EVPL: variants seen among roughly 807,000 people sequenced by gnomAD.
EVPL encodes the protein 210 kDa cornified envelope precursor protein.
EVPL carries 94 observed loss-of-function variants against 129.7 expected under a neutral mutation model. The ratio of observed to expected loss-of-function variants is 0.72; its 90% CI spans 0.61 to 0.86. EVPL has a LOEUF of 0.86. Among genes scored for constraint, EVPL ranks in the 40% least tolerant of loss-of-function variants. The probability of loss-of-function intolerance (pLI) is 0.00; values close to 1 mark genes in which losing one functional copy is unlikely to be tolerated. For missense variants in EVPL, 2,625 were observed against 2,721.1 expected (o/e 0.96, Z 0.79); for synonymous variants, 1,172 against 1,191.1 (o/e 0.98, Z 0.33).
In EVPL at chr17:76,019,580, G is replaced by A. The variant is rs764559928; in HGVS notation, c.1085C>T (p.Pro362Leu). The A allele has an allele frequency of 1.2e-6, 2 of 1,602,334 alleles. No individual in the cohort carries two copies. Among genetic ancestry groups the A allele is most frequent in the Non-Finnish European group, 1.7e-6 (2 of 1,175,154 alleles). The part of the protein sequence containing the change: ...LNSNLDAKYS[P>L]APGGPPGAPT... Reference sequence around the variant, plus strand: ...GGCGCCAGGGGGGCCCCCAGGTGCAGGGCTGTACTTGGCATCCAAGTTGGA... The same window carrying A: ...GGCGCCAGGGGGGCCCCCAGGTGCAAGGCTGTACTTGGCATCCAAGTTGGA... The change falls in exon 10 of 22, where the codon CCT becomes CTT. Residue 362 changes from proline to leucine, a missense_variant. Transcript: ENST00000301607.
Position 76,021,669 on chromosome 17 carries a change from C to G in EVPL, c.915+5G>C. 6.2e-7 allele frequency: 1 copy of G among 1,605,786 alleles called. No individual in the cohort carries two copies. Among genetic ancestry groups the G allele is most frequent in the Non-Finnish European group, 8.5e-7 (1 of 1,177,818 alleles). On this transcript the variant is annotated splice_donor_5th_base_variant and intron_variant, in intron 8 of 21. Transcript: ENST00000301607. ...CCTTCTCACTCTCGCCCTGCCCCAGCGCACCTGGATGGGCCCCACCGCGGG... is the reference window on the plus strand; with the variant it reads ...CCTTCTCACTCTCGCCCTGCCCCAGGGCACCTGGATGGGCCCCACCGCGGG...
Position 76,021,763 on chromosome 17 carries a change from G to A in EVPL, c.826C>T (p.Leu276=), listed in dbSNP as rs1357545017. 5 of 1,607,780 alleles carry A rather than the reference G, an allele frequency of 3.1e-6. No homozygotes were observed. In the African/African-American group the frequency reaches 4.0e-5, roughly 13 times the overall value. The change falls in exon 8 of 22, where the codon CTG becomes TTG. Residue 276 remains leucine (L), a synonymous_variant. Coordinates refer to ENST00000301607, the MANE Select transcript of EVPL (RefSeq NM_001988.4). ...REYEHFKQHE[L]LSQEQSVNQL... is the part of the protein sequence containing the mutation. The stretch of plus-strand genomic sequence containing the variant: ...TTCACGCTCTGCTCCTGGCTCAGCA[G>A]CTCGTGCTGCTTGAAGTGCTGGGGG...
chr17:76,024,071 C>T lies in EVPL; in HGVS notation c.148G>A (p.Ala50Thr), dbSNP rs768937467. Residue 50 changes from alanine (A) to threonine (T), a missense_variant, in exon 2 of 22, where the codon GCC (alanine) becomes ACC (threonine). Ala to Thr is a moderately conservative substitution (Grantham distance 58, BLOSUM62 0). Around this residue, in one of 4 missense-constraint regions of EVPL, gnomAD observed 139 missense variants for 186.8 expected, o/e 0.74. Coordinates refer to ENST00000301607, the MANE Select transcript of EVPL (RefSeq NM_001988.4). This position sits in a 1 kb window ranked among gnomAD's most constrained non-coding sequence, Gnocchi z 4.5. ...AGGATGTCCCGCTCCACCTGGTCGG[C>T]GTTGGCTTGCATGCGGGAGATGAGA... ...ALLISRMQAN[A>T]DQVERDILET... The T allele has an allele frequency of 1.4e-5, 22 of 1,613,772 alleles. No homozygotes were observed. The highest frequency in any genetic ancestry group is 6.7e-5 in the African/African-American group (5 of 74,938).
At chr17:76,017,208 G>T (rs577675095) in intron 14 of EVPL, among the ~76,000 whole-genome samples, 1 of 152,302 alleles carries the variant, frequency 6.6e-6, no homozygotes, top group South Asian at 2.1e-4. Context: ...GAGAGACTTT[G>T]TCTCAAGAAA....
At position 76,008,318 on chromosome 17, in the gene EVPL, C is replaced by T. The variant is rs146092902; in HGVS notation, c.4887G>A (p.Gln1629=). 5 of 1,607,594 alleles carry T rather than the reference C, an allele frequency of 3.1e-6. No individual in the cohort carries two copies. The highest frequency in any genetic ancestry group is 4.2e-6 in the Non-Finnish European group (5 of 1,179,900). ...GCTCCTGGCCCCGCTGGGCCGCCTT[C>T]TGTCGCTCGCTCTCCGTCTTCTGGC... ...LLSQKTESER[Q]KAAQRGQELS... The change falls in exon 22 of 22, where the codon CAG becomes CAA. Residue 1629 remains glutamine, a synonymous_variant. Transcript: ENST00000301607. The surrounding 1 kb of genome is among the most constrained non-coding windows in gnomAD (Gnocchi z 7.4).
In EVPL at chr17:76,008,903, G is replaced by T. The variant is rs150950564; in HGVS notation, c.4302C>A (p.Ala1434=). Residue 1434 remains alanine, a synonymous_variant, in exon 22 of 22, where the codon GCC becomes GCA. Coordinates refer to ENST00000301607, the MANE Select transcript of EVPL (RefSeq NM_001988.4). The surrounding 1 kb of genome is among the most constrained non-coding windows in gnomAD (Gnocchi z 7.4). ...TCAGCTGCCGCAGCTCCCTCTCCACGGCCAGCTTCTTGCTGCGGTCCTCCT... is the reference window on the plus strand; with the variant it reads ...TCAGCTGCCGCAGCTCCCTCTCCACTGCCAGCTTCTTGCTGCGGTCCTCCT... ...SFQEDRSKKL[A]VERELRQLTL... 6.2e-7 allele frequency: 1 copy of T among 1,613,494 alleles called. No homozygotes were observed. Among genetic ancestry groups the T allele is most frequent in the Non-Finnish European group, 8.5e-7 (1 of 1,179,982 alleles).
chr17:76,015,044 G>A lies in EVPL; in HGVS notation c.2094C>T (p.Ala698=). The change falls in exon 17 of 22, where the codon GCC becomes GCT. Residue 698 remains alanine, a synonymous_variant. Transcript: ENST00000301607. ...CVLRLHRALK[A]SEHACAALQN... is the part of the protein sequence containing the mutation. The stretch of plus-strand genomic sequence containing the variant: ...GCAGGGCAGCGCATGCGTGCTCCGA[G>A]GCCTTCAGCGCGCGGTGTAGCCGCA... 1 of 1,590,906 alleles carries A rather than the reference G, an allele frequency of 6.3e-7. No individual in the cohort carries two copies. The highest frequency in any genetic ancestry group is 8.5e-7 in the Non-Finnish European group (1 of 1,173,474).
At chr17:76,021,605 ACG>A in intron 8 of EVPL, 42 bp from the exon 9 acceptor site, 1 of 966,102 alleles carries the variant, frequency 1.0e-6, no homozygotes, top group Non-Finnish European at 1.3e-6. Context: ...CGCCCCCCCC[ACG>A]TCCGCCCCAC....
At chr17:76,014,170 G>A (rs2066398970) in intron 18 of EVPL, among the ~76,000 whole-genome samples, 1 of 152,212 alleles carries the variant, frequency 6.6e-6, no homozygotes, top group South Asian at 2.1e-4. Flanking sequence ...TACATGGCAG[G>A]GGCTTGATGA....
rs1479297988 is a variant in EVPL, at chr17:76,011,816, T to C, written c.2524A>G (p.Lys842Glu). 1.2e-6 allele frequency: 2 copies of C among 1,612,884 alleles called. No individual in the cohort carries two copies. Among genetic ancestry groups the C allele is most frequent in the South Asian group, 1.1e-5 (1 of 91,026 alleles). The change falls in exon 20 of 22, where the codon AAG (lysine) becomes GAG (glutamate). Residue 842 changes from lysine (K) to glutamate (E), a missense_variant. Lys to Glu is a moderately conservative substitution (Grantham distance 56). Transcript: ENST00000301607. ...TGCAGGGGAGCCACTCGGGGTCTCT[T>C]GGGGGCTGACACTGCCAGGGTGGGC... ...LEPTLAVSAP[K>E]RPRVAPLQES... is the part of the protein sequence containing the mutation.
chr17:76,017,990 A>T, intron 13 of EVPL, 79 bp from the exon 14 acceptor site: 1 of 1,588,376 alleles, frequency 6.3e-7, no homozygotes, highest in South Asian at 1.1e-5. Context: ...GTGCCCACAG[A>T]GGGTCCTGTC....
In EVPL at chr17:76,022,081, G is replaced by T; in HGVS notation, c.646-53C>A. The T allele has an allele frequency of 1.3e-6, 2 of 1,564,670 alleles. No homozygotes were observed. The highest frequency in any genetic ancestry group is 2.3e-5 in the South Asian group (2 of 85,586). Reference sequence around the variant, plus strand: ...AGGGTGGGGAGACAGAAAGTGGGGGGCAAAAGGCGCCATTGGGCCGCGCTC... The same window carrying T: ...AGGGTGGGGAGACAGAAAGTGGGGGTCAAAAGGCGCCATTGGGCCGCGCTC... On this transcript the variant is annotated intron_variant, in intron 6 of 21. Transcript: ENST00000301607. This position sits in a 1 kb window ranked among gnomAD's most constrained non-coding sequence, Gnocchi z 5.6.
rs1386544696 is a variant in EVPL at position 76,010,007 on chromosome 17, C to T, written c.3198G>A (p.Arg1066=). The T allele has an allele frequency of 3.1e-6, 5 of 1,613,530 alleles. 1 individual carries two copies. The South Asian group carries it at 5.5e-5, about 18-fold the overall frequency. The change falls in exon 22 of 22, where the codon AGG becomes AGA. Residue 1066 remains arginine, a synonymous_variant. Coordinates refer to ENST00000301607, the MANE Select transcript of EVPL (RefSeq NM_001988.4). The part of the protein sequence containing the change: ...LKKELLALEK[R]EVDVKEKVVV... ...CGACCTTCTCCTTCACGTCCACCTC[C>T]CTCTTCTCAAGGGCCAGTAGCTCCT...
Position 76,008,991 on chromosome 17 carries a change from A to G in EVPL, c.4214T>C (p.Leu1405Pro). 6.2e-7 allele frequency: 1 copy of G among 1,611,866 alleles called. No homozygotes were observed. Among genetic ancestry groups the G allele is most frequent in the Non-Finnish European group, 8.5e-7 (1 of 1,179,860 alleles). ...CCGCAGCTGCTGCACCTCAAGCTCT[A>G]GCTGGCGCCGCCGGCCCACCTCCTC... ...LDEEVGRRRQ[L>P]ELEVQQLRAG... The change falls in exon 22 of 22, where the codon CTA (leucine) becomes CCA (proline). Residue 1405 changes from leucine (L) to proline (P), a missense_variant. Transcript: ENST00000301607. This position sits in a 1 kb window ranked among gnomAD's most constrained non-coding sequence, Gnocchi z 7.4.
In EVPL at chr17:76,008,174, C is replaced by T. The variant is rs750140523; in HGVS notation, c.5031G>A (p.Thr1677=). Residue 1677 remains threonine (T), a synonymous_variant, in exon 22 of 22, where the codon ACG becomes ACA. Coordinates refer to ENST00000301607, the MANE Select transcript of EVPL (RefSeq NM_001988.4). The surrounding 1 kb of genome is among the most constrained non-coding windows in gnomAD (Gnocchi z 7.4). ...SREELSQETQ[T]RETNLSTKIS... ...TCTTGGTGGAAAGGTTGGTCTCTCG[C>T]GTCTGGGTCTCCTGGCTGAGCTCCT... The T allele has an allele frequency of 3.1e-6, 5 of 1,614,174 alleles. No individual in the cohort carries two copies. The highest frequency in any genetic ancestry group is 2.2e-5 in the East Asian group (1 of 44,882).
At position 76,008,410 on chromosome 17, in the gene EVPL, G is replaced by A; in HGVS notation, c.4795C>T (p.Leu1599=). The A allele has an allele frequency of 1.3e-6, 2 of 1,593,330 alleles. No individual in the cohort carries two copies. Among genetic ancestry groups the A allele is most frequent in the Non-Finnish European group, 1.7e-6 (2 of 1,175,698 alleles). ...TGCTTCTGCCTCTCCAGAGCCCGCAGCTCCTGCTGCAGCCGCCCACACTCC... is the reference window on the plus strand; with the variant it reads ...TGCTTCTGCCTCTCCAGAGCCCGCAACTCCTGCTGCAGCCGCCCACACTCC... ...DQECGRLQQE[L]RALERQKQQQ... The change falls in exon 22 of 22, where the codon CTG becomes TTG. Residue 1599 remains leucine, a synonymous_variant. Coordinates refer to ENST00000301607, the MANE Select transcript of EVPL (RefSeq NM_001988.4). This position sits in a 1 kb window ranked among gnomAD's most constrained non-coding sequence, Gnocchi z 7.4.
chr17:76,021,356 A>G, intron 9 of EVPL, 112 bp downstream of exon 9: 1 of 1,027,256 alleles, frequency 9.7e-7, no homozygotes, highest in South Asian at 1.5e-5. Flanking sequence ...GCGCCCTGCC[A>G]GCTCTGTCTA....
Position 76,017,801 on chromosome 17 carries a change from G to A in EVPL, c.1648C>T (p.Arg550Trp), listed in dbSNP as rs376357937. ...GGTGTGGGGCGGCTCAGCGGGGCCCGCGCCCAGGCCAGCACCTGCCTCTCT... is the reference window on the plus strand; with the variant it reads ...GGTGTGGGGCGGCTCAGCGGGGCCCACGCCCAGGCCAGCACCTGCCTCTCT... ...QIERQVLAWA[R>W]APLSRPTPLE... The change falls in exon 14 of 22, where the codon CGG (arginine) becomes TGG (tryptophan). Residue 550 changes from arginine (R) to tryptophan (W), a missense_variant. Coordinates refer to ENST00000301607, the MANE Select transcript of EVPL (RefSeq NM_001988.4). The A allele has an allele frequency of 3.0e-5, 48 of 1,613,224 alleles. No individual in the cohort carries two copies. The highest frequency in any genetic ancestry group is 2.3e-4 in the African/African-American group (17 of 74,938).
chr17:76,009,327 C>T lies in EVPL; in HGVS notation c.3878G>A (p.Arg1293His), dbSNP rs752747164. ...CCACTCGTCGCGCTCACCCTGCAGG[C>T]GGATGAGCTGCTCCTGGGAGCGCCC... ...SHGRSQEQLI[R>H]LQGERDEWRR... The change falls in exon 22 of 22, where the codon CGC becomes CAC. Residue 1293 changes from arginine to histidine, a missense_variant. Around this residue, in one of 4 missense-constraint regions of EVPL, gnomAD observed 1,453 missense variants for 1,511.8 expected, o/e 0.96. Coordinates refer to ENST00000301607, the MANE Select transcript of EVPL (RefSeq NM_001988.4). The surrounding 1 kb of genome is among the most constrained non-coding windows in gnomAD (Gnocchi z 5.9). 1.1e-5 allele frequency: 17 copies of T among 1,611,502 alleles called. No homozygotes were observed. The East Asian group carries it at 1.3e-4, about 13-fold the overall frequency.
Sources: allele counts gnomAD v4.1 joint callset (sites outside exome capture counted in the v4.1 genomes callset), GRCh38; gene constraint gnomAD v4.1.1; regional missense constraint gnomAD v4.1.1; non-coding constraint Gnocchi (gnomAD v3.1); transcripts MANE v1.5; gene names NCBI Gene and HGNC (gene_info 2026-07-23, HGNC 2026-07-21).